The following UBE2QL1 variants were observed in gnomAD, a reference collection of about 807,000 sequenced individuals.
The protein encoded by UBE2QL1 is ubiquitin conjugating enzyme E2 QL1, also known as ubiquitin-conjugating enzyme E2Q-like protein 1.
UBE2QL1 carries 5 observed loss-of-function variants against 12.6 expected under a neutral mutation model. The observed-to-expected ratio is 0.40, with a 90% CI of 0.21 to 0.83. The LOEUF is 0.83. Among genes scored for constraint, UBE2QL1 ranks in the 40% least tolerant of loss-of-function variants. The pLI is 0.37. For synonymous variants in UBE2QL1, 96 were observed against 94.5 expected (o/e 1.02, Z -0.10); for missense variants, 99 against 222.6 (o/e 0.44, Z 3.53).
At position 6,449,004 on chromosome 5, in the gene UBE2QL1, C is replaced by T. The variant is rs1319525884; in HGVS notation, c.111C>T (p.Asp37=). The T allele has an allele frequency of 1.3e-6, 2 of 1,549,986 alleles. No homozygotes were observed. The highest frequency in any genetic ancestry group is 2.5e-5 in the East Asian group (1 of 40,788). The change falls in exon 1 of 2, where the codon GAC becomes GAT. Residue 37 remains aspartate, a synonymous_variant. Coordinates refer to ENST00000399816, the MANE Select transcript of UBE2QL1 (RefSeq NM_001145161.3). ...TGAAGCTGCACCAGGTGGACAAGGACTCGGTGCTGTGGCAGGACATGAAGG... is the reference window on the plus strand; with the variant it reads ...TGAAGCTGCACCAGGTGGACAAGGATTCGGTGCTGTGGCAGGACATGAAGG... ...WNVKLHQVDK[D]SVLWQDMKET...
intron 1 of UBE2QL1, among the ~76,000 whole-genome samples, chr5:6,470,679 G>A (rs906764279): frequency 6.6e-6 from 1 of 152,198 alleles, no homozygotes; most frequent in African/African-American, 2.4e-5. Flanking sequence ...GCCCCCAAGG[G>A]TGCAGGCTGA....
At chr5:6,489,966 C>A (rs543534090) in intron 1 of UBE2QL1, among the ~76,000 whole-genome samples, 2 of 152,380 alleles carry the variant, frequency 1.3e-5, no homozygotes, top group Admixed American at 6.5e-5. Flanking sequence ...GAGAGAAATT[C>A]TGTTCGCGAA....
In UBE2QL1 at chr5:6,456,285, A is replaced by G. The variant is rs1236411410; in HGVS notation, c.354+7038A>G. Among the ~76,000 whole-genome samples the G allele has an allele frequency of 4.6e-5, 7 of 152,230 alleles. No individual in the cohort carries two copies. In the East Asian group the frequency reaches 1.3e-3, roughly 29 times the overall value. On this transcript the variant is annotated intron_variant, in intron 1 of 1. Coordinates refer to ENST00000399816, the MANE Select transcript of UBE2QL1 (RefSeq NM_001145161.3). Reference sequence around the variant, plus strand: ...TGACAATAGACAGTGGCCTGGGTATATAGTGGGGACATGGGCACAGTGGGG... The same window carrying G: ...TGACAATAGACAGTGGCCTGGGTATGTAGTGGGGACATGGGCACAGTGGGG...
At chr5:6,486,229 C>G (rs1408634337) in intron 1 of UBE2QL1, among the ~76,000 whole-genome samples, 1 of 152,148 alleles carries the variant, frequency 6.6e-6, no homozygotes, top group Non-Finnish European at 1.5e-5. Context: ...CAAGGTCACA[C>G]AGCCAGGAAG....
intron 1 of UBE2QL1, among the ~76,000 whole-genome samples, chr5:6,475,907 G>A (rs1734217723): frequency 6.6e-6 from 1 of 152,182 alleles, no homozygotes; most frequent in African/African-American, 2.4e-5. Context: ...GGGCAGAAAC[G>A]CACAGGCTCT....
rs763837213 is a variant in UBE2QL1, at chr5:6,469,561, A to AGTGT, written c.354+20329_354+20332dup. Among the ~76,000 whole-genome samples, 25 of 146,246 alleles carry AGTGT rather than the reference A, an allele frequency of 1.7e-4. 1 individual carries two copies. Among genetic ancestry groups the AGTGT allele is most frequent in the South Asian group, 6.5e-4 (3 of 4,602 alleles). On this transcript the variant is annotated intron_variant, in intron 1 of 1. Coordinates refer to ENST00000399816, the MANE Select transcript of UBE2QL1 (RefSeq NM_001145161.3). ...TTAGATTATACATATATATAATCTA[A>AGTGT]GTGTGTGTGTGTGTGTGTATATATA...
rs969834655 is a variant in UBE2QL1 at position 6,495,781 on chromosome 5, A to T, written c.*4432A>T. On this transcript the variant is annotated 3_prime_UTR_variant, in exon 2 of 2. Coordinates refer to ENST00000399816, the MANE Select transcript of UBE2QL1 (RefSeq NM_001145161.3). The stretch of plus-strand genomic sequence containing the variant: ...AACTTTGTAATTTTTTTCTCCAAAG[A>T]CAGTGAAATCATGTACAGCTCTGTT... Among the ~76,000 whole-genome samples, 36 of 152,232 alleles carry T rather than the reference A, an allele frequency of 2.4e-4. No individual in the cohort carries two copies. The highest frequency in any genetic ancestry group is 2.9e-5 in the Non-Finnish European group (2 of 68,040).
intron 1 of UBE2QL1, among the ~76,000 whole-genome samples, chr5:6,457,881 G>C (rs935858959): frequency 2.6e-5 from 4 of 152,208 alleles, no homozygotes; most frequent in Admixed American, 6.5e-5. Flanking sequence ...ACAATACTCA[G>C]AATCAATCCA....
chr5:6,486,469 A>G (rs952108783), intron 1 of UBE2QL1, among the ~76,000 whole-genome samples: 1 of 152,048 alleles, frequency 6.6e-6, no homozygotes, highest in Non-Finnish European at 1.5e-5. Flanking sequence ...CTGCCCACCT[A>G]TGTCTCAAGG....
At chr5:6,464,693 C>T (rs56336184) in intron 1 of UBE2QL1, among the ~76,000 whole-genome samples, 13,771 of 152,284 alleles carry the variant, frequency 0.09, 965 homozygotes, top group African/African-American at 0.19. Context: ...CTTCTCTGGG[C>T]TTCAATGGTG....
At chr5:6,459,938 G>A (rs1385463463) in intron 1 of UBE2QL1, among the ~76,000 whole-genome samples, 1 of 152,130 alleles carries the variant, frequency 6.6e-6, no homozygotes, top group African/African-American at 2.4e-5. Flanking sequence ...CCGGAGGAGT[G>A]CATGGGCCCC....
chr5:6,486,047 G>GA (rs1357524657), intron 1 of UBE2QL1, among the ~76,000 whole-genome samples: 1 of 152,128 alleles, frequency 6.6e-6, no homozygotes, highest in Non-Finnish European at 1.5e-5. Context: ...CGTGATAGCT[G>GA]AAAAAATAAG....
chr5:6,470,674 C>G (rs1299877532), intron 1 of UBE2QL1, among the ~76,000 whole-genome samples: 1 of 152,170 alleles, frequency 6.6e-6, no homozygotes, highest in Non-Finnish European at 1.5e-5. Context: ...GCTGAGCCCC[C>G]AAGGGTGCAG....
At chr5:6,484,641 C>T (rs757517498) in intron 1 of UBE2QL1, among the ~76,000 whole-genome samples, 3 of 152,106 alleles carry the variant, frequency 2.0e-5, no homozygotes, top group African/African-American at 7.2e-5. Context: ...CACTTGCGGA[C>T]GGTGTGGGGA....
rs1182403355 is a variant in UBE2QL1 at position 6,496,018 on chromosome 5, C to T, written c.*4669C>T. ...AAACACGGGAGCAAAGTGTGCTGGC[C>T]AAACAGCAACAATCAAAGCAGAGGG... On this transcript the variant is annotated 3_prime_UTR_variant, in exon 2 of 2. Coordinates refer to ENST00000399816, the MANE Select transcript of UBE2QL1 (RefSeq NM_001145161.3). 6.6e-6 allele frequency among the ~76,000 whole-genome samples: 1 copy of T among 152,114 alleles called. No homozygotes were observed. The highest frequency in any genetic ancestry group is 1.5e-5 in the Non-Finnish European group (1 of 68,026).
At chr5:6,456,746 T>C (rs1195505877) in intron 1 of UBE2QL1, among the ~76,000 whole-genome samples, 1 of 152,014 alleles carries the variant, frequency 6.6e-6, no homozygotes, top group Non-Finnish European at 1.5e-5. Flanking sequence ...ACCAGCTGAG[T>C]GGGAGGACCA....
rs145100454 is a variant in UBE2QL1 at position 6,479,120 on chromosome 5, G to A, written c.355-12098G>A. Among the ~76,000 whole-genome samples, 11 of 152,158 alleles carry A rather than the reference G, an allele frequency of 7.2e-5. No homozygotes were observed. The highest frequency in any genetic ancestry group is 1.3e-4 in the Non-Finnish European group (9 of 68,022). ...GGTGGAGGCAGCCGTGGGCATCTAG[G>A]GACACACAGCACGGGAGGCCACAGA... On this transcript the variant is annotated intron_variant, in intron 1 of 1. Coordinates refer to ENST00000399816, the MANE Select transcript of UBE2QL1 (RefSeq NM_001145161.3). This position sits in a 1 kb window ranked among gnomAD's most constrained non-coding sequence, Gnocchi z 4.2.
intron 1 of UBE2QL1, among the ~76,000 whole-genome samples, chr5:6,487,680 G>A (rs571215006): frequency 6.6e-6 from 1 of 152,320 alleles, no homozygotes; most frequent in South Asian, 2.1e-4. Context: ...TAAGAAAAAC[G>A]CTGTTAATTG....
rs943996016 is a variant in UBE2QL1 at position 6,478,329 on chromosome 5, A to G, written c.355-12889A>G. Reference sequence around the variant, plus strand: ...AGCTTTCTCTGTCATTGTAAGTAACATGGCTTGGAAAGAGACCACAGCCGT... The same window carrying G: ...AGCTTTCTCTGTCATTGTAAGTAACGTGGCTTGGAAAGAGACCACAGCCGT... On this transcript the variant is annotated intron_variant, in intron 1 of 1. Coordinates refer to ENST00000399816, the MANE Select transcript of UBE2QL1 (RefSeq NM_001145161.3). The surrounding 1 kb of genome is among the most constrained non-coding windows in gnomAD (Gnocchi z 4.5). Among the ~76,000 whole-genome samples, 14 of 152,210 alleles carry G rather than the reference A, an allele frequency of 9.2e-5. No individual in the cohort carries two copies. The highest frequency in any genetic ancestry group is 2.9e-4 in the African/African-American group (12 of 41,450).
Sources: gnomAD v4.1 joint callset for allele counts (sites outside exome capture counted in the v4.1 genomes callset) on GRCh38, gnomAD v4.1.1 for gene constraint, Gnocchi (gnomAD v3.1) non-coding constraint, MANE v1.5 for transcripts, NCBI Gene and HGNC (gene_info 2026-07-23, HGNC 2026-07-21) for gene names.